The following NAV2 variants were observed in gnomAD, a reference collection of about 807,000 sequenced individuals.
NAV2 encodes neuron navigator 2.
Under a neutral mutation model 223.2 loss-of-function variants are expected in NAV2, and 54 were observed. The observed-to-expected ratio is 0.24, with a 90% CI of 0.19 to 0.30. NAV2 has a LOEUF of 0.30. NAV2 is among the 10% of genes least tolerant of loss of function. The pLI, the probability that NAV2 is intolerant of heterozygous loss-of-function variation, is 1.00. For synonymous variants in NAV2, 1,279 were observed against 1,239.3 expected, an observed-to-expected ratio of 1.03 and a Z score of -0.67; for missense variants, 2,806 against 3,147.5, an observed-to-expected ratio of 0.89 and a Z score of 2.60.
chr11:20,030,565 G>T (rs749093409), intron 11 of NAV2, among the ~76,000 whole-genome samples: 2 of 152,148 alleles, frequency 1.3e-5, no homozygotes, highest in Non-Finnish European at 2.9e-5. Flanking sequence ...CTGTTTGAAA[G>T]CTTGGATAAT....
chr11:20,043,988 C>T lies in NAV2; in HGVS notation c.2915C>T (p.Ala972Val). ...GAGAGTCTCTGTCCACAGACTGATG[C>T]TGAGAAGCACTCACAGGTGGAGAGG... ...SRKNLDVQTD[A>V]EKHSQVERNS... The change falls in exon 13 of 38, where the codon GCT becomes GTT. Residue 972 changes from alanine (A) to valine (V), a missense_variant. This residue lies in a region of NAV2 where 73 missense variants were observed against 119.7 expected (regional missense o/e 0.61). Transcript: ENST00000349880. 1 of 1,613,590 alleles carries T rather than the reference C, an allele frequency of 6.2e-7. No individual in the cohort carries two copies. Among genetic ancestry groups the T allele is most frequent in the Non-Finnish European group, 8.5e-7 (1 of 1,179,522 alleles).
At chr11:19,697,788 A>G (rs1007645137) in intron 1 of NAV2, among the ~76,000 whole-genome samples, 1 of 152,224 alleles carries the variant, frequency 6.6e-6, no homozygotes, top group Admixed American at 6.5e-5. Flanking sequence ...AGAGCAGGGA[A>G]GGTGCAGATG....
chr11:19,407,822 C>T (rs1451843941), intron 1 of NAV2, among the ~76,000 whole-genome samples: 1 of 152,154 alleles, frequency 6.6e-6, no homozygotes, highest in Non-Finnish European at 1.5e-5. Flanking sequence ...GCGGTGCTCC[C>T]GTTCTCCGGC....
intron 19 of NAV2, among the ~76,000 whole-genome samples, chr11:20,061,053 A>G (rs1046281945): frequency 1.4e-4 from 21 of 152,190 alleles, no homozygotes; most frequent in Admixed American, 1.0e-3. Context: ...CCCACTTTAG[A>G]CTACAGGTCA....
chr11:19,720,662 A>G (rs2050679511), intron 1 of NAV2, among the ~76,000 whole-genome samples: 1 of 152,226 alleles, frequency 6.6e-6, no homozygotes, highest in African/African-American at 2.4e-5. Flanking sequence ...AAAAATAATT[A>G]TAATACTAGT....
chr11:19,549,967 AG>A (rs1202134110), intron 1 of NAV2, among the ~76,000 whole-genome samples: 3 of 152,194 alleles, frequency 2.0e-5, no homozygotes, highest in Non-Finnish European at 2.9e-5. Context: ...AAAGCAAAAT[AG>A]GGGGGCCAGC....
At chr11:20,033,546 C>T (rs1351463929) in intron 11 of NAV2, among the ~76,000 whole-genome samples, 3 of 152,126 alleles carry the variant, frequency 2.0e-5, no homozygotes, top group African/African-American at 7.2e-5. Flanking sequence ...TGCAGAGTTC[C>T]AGAGCTGCTG....
chr11:20,091,618 C>T (rs1436567695), intron 27 of NAV2, among the ~76,000 whole-genome samples: 4 of 152,108 alleles, frequency 2.6e-5, no homozygotes, highest in Non-Finnish European at 5.9e-5. Flanking sequence ...TTTTGCATAC[C>T]TTTCTGTGGA....
intron 1 of NAV2, among the ~76,000 whole-genome samples, chr11:19,407,141 C>A (rs1352668794): frequency 2.6e-5 from 4 of 152,186 alleles, no homozygotes; most frequent in South Asian, 2.1e-4. Flanking sequence ...TGCAAAGATT[C>A]TTTCTCTGCA....
intron 1 of NAV2, among the ~76,000 whole-genome samples, chr11:19,620,172 A>G (rs1253116457): frequency 6.6e-6 from 1 of 152,078 alleles, no homozygotes; most frequent in Non-Finnish European, 1.5e-5. Context: ...GCCTTGTAGT[A>G]TAGTTTGAAG....
chr11:19,937,607 G>A (rs927099602), intron 7 of NAV2, among the ~76,000 whole-genome samples: 10 of 152,276 alleles, frequency 6.6e-5, no homozygotes, highest in Middle Eastern at 3.4e-3. Context: ...ATTCAAAGAG[G>A]TGGAGTGACA....
intron 6 of NAV2, among the ~76,000 whole-genome samples, chr11:19,910,845 G>A (rs924999515): frequency 2.0e-5 from 3 of 152,088 alleles, no homozygotes; most frequent in East Asian, 1.9e-4. Flanking sequence ...GTGACAGAGC[G>A]AGACTCTGTC....
At chr11:19,648,746 G>T (rs1344760391) in intron 1 of NAV2, among the ~76,000 whole-genome samples, 1 of 152,150 alleles carries the variant, frequency 6.6e-6, no homozygotes, top group East Asian at 1.9e-4. Flanking sequence ...ACATATATCT[G>T]TCCTTTGAAA....
intron 1 of NAV2, among the ~76,000 whole-genome samples, chr11:19,512,972 T>C (rs1235934476): frequency 1.3e-5 from 2 of 152,032 alleles, no homozygotes; most frequent in Non-Finnish European, 2.9e-5. Flanking sequence ...GCTTTGGAAA[T>C]ATGTAGGGGA....
chr11:19,802,283 G>A (rs778174521), intron 1 of NAV2, among the ~76,000 whole-genome samples: 20 of 152,088 alleles, frequency 1.3e-4, no homozygotes, highest in Non-Finnish European at 2.6e-4. Context: ...AGGGATTCAT[G>A]CATCAAGGAG....
intron 11 of NAV2, among the ~76,000 whole-genome samples, chr11:20,019,465 G>A (rs2054302936): frequency 6.6e-6 from 1 of 152,140 alleles, no homozygotes; most frequent in Non-Finnish European, 1.5e-5. Flanking sequence ...GATGTGTTGG[G>A]TACACAAAGG....
chr11:19,949,004 A>G lies in NAV2; in HGVS notation c.2569A>G (p.Ser857Gly), dbSNP rs1244318908. 1.2e-6 allele frequency: 2 copies of G among 1,613,884 alleles called. No individual in the cohort carries two copies. Among genetic ancestry groups the G allele is most frequent in the Admixed American group, 1.7e-5 (1 of 60,020 alleles). ...AGATGAGATGGACCTGGAAGGCATC[A>G]GCATGGATGCCCCCGGCTACATGAG... ...AGDEMDLEGISMDAPGYMSDG... is the reference protein window; with the variant it reads ...AGDEMDLEGIGMDAPGYMSDG... Residue 857 changes from serine to glycine, a missense_variant, in exon 10 of 38, where the codon AGC (serine) becomes GGC (glycine). Ser to Gly is a moderately conservative substitution (Grantham distance 56). This residue lies in a region of NAV2 where 1,167 missense variants were observed against 1,180.5 expected (regional missense o/e 0.99). Transcript: ENST00000349880.
chr11:20,110,684 A>T (rs2062549692), intron 36 of NAV2, among the ~76,000 whole-genome samples: 1 of 152,168 alleles, frequency 6.6e-6, no homozygotes, highest in African/African-American at 2.4e-5. Context: ...ACTGAATTTT[A>T]TAGAGTGGAG....
chr11:19,684,195 G>A (rs576593951), intron 1 of NAV2, among the ~76,000 whole-genome samples: 2 of 152,306 alleles, frequency 1.3e-5, no homozygotes, highest in South Asian at 4.1e-4. Flanking sequence ...TATATAAAAT[G>A]TCTGTTCCTG....
Sources: gnomAD v4.1 joint callset for allele counts (sites outside exome capture counted in the v4.1 genomes callset) on GRCh38, gnomAD v4.1.1 for gene constraint, gnomAD v4.1.1 regional missense constraint, MANE v1.5 for transcripts, NCBI Gene and HGNC (gene_info 2026-07-23, HGNC 2026-07-21) for gene names.